SLC2A9: variants seen among roughly 807,000 people sequenced by gnomAD.
The protein encoded by SLC2A9 is solute carrier family 2, facilitated glucose transporter member 9.
Under a neutral mutation model 50.6 loss-of-function variants are expected in SLC2A9, and 39 were observed. The ratio of observed to expected loss-of-function variants is 0.77; its 90% confidence interval spans 0.60 to 1.01. The LOEUF (loss-of-function observed/expected upper bound fraction) is 1.01, where lower values mean the gene tolerates loss of function less well. Ranked by LOEUF, SLC2A9 falls within the 50% of genes least tolerant of loss-of-function variation. The pLI, the probability that SLC2A9 is intolerant of heterozygous loss-of-function variation, is 0.00. For synonymous variants in SLC2A9, 324 were observed against 276.9 expected, an observed-to-expected ratio of 1.17 and a Z score of -1.69; for missense variants, 686 against 677.6, an observed-to-expected ratio of 1.01 and a Z score of -0.14.
chr4:9,905,998 T>C (rs932302804), intron 8 of SLC2A9, among the ~76,000 whole-genome samples: 1 of 152,226 alleles, frequency 6.6e-6, no homozygotes, highest in African/African-American at 2.4e-5. Context: ...TCCACAAGGA[T>C]GTCCATCGTA....
At chr4:9,932,576 A>G (rs77356241) in intron 6 of SLC2A9, among the ~76,000 whole-genome samples, 5,584 of 152,304 alleles carry the variant, frequency 0.037, 367 homozygotes, top group African/African-American at 0.13. Context: ...TTTTGAGAAG[A>G]TGCTATTTCA....
At chr4:9,799,714 A>T (rs1721130042) in intron 3 of SLC2A9, among the ~76,000 whole-genome samples, 1 of 40,992 alleles carries the variant, frequency 2.4e-5, no homozygotes, top group Non-Finnish European at 4.4e-5. Context: ...CCCAACTTCT[A>T]CACCAGTTTT....
At chr4:10,036,314 T>C (rs1372191722) in intron 1 of SLC2A9, among the ~76,000 whole-genome samples, 2 of 152,028 alleles carry the variant, frequency 1.3e-5, no homozygotes, top group African/African-American at 2.4e-5. Context: ...ATTTGTGAAA[T>C]TGACCAAAAA....
At chr4:9,963,229 C>T (rs1464861849) in intron 5 of SLC2A9, among the ~76,000 whole-genome samples, 1 of 152,160 alleles carries the variant, frequency 6.6e-6, no homozygotes, top group Non-Finnish European at 1.5e-5. Flanking sequence ...ACCATGAGAA[C>T]AGTATAGGGG....
At chr4:9,796,387 C>T (rs1446245986), downstream of SLC2A9, among the ~76,000 whole-genome samples, 1 of 152,138 alleles carries the variant, frequency 6.6e-6, no homozygotes, top group African/African-American at 2.4e-5. Flanking sequence ...AGGCTTGGTT[C>T]ATTTGGATGC....
At chr4:9,811,978 T>C (rs1722954594) in intron 3 of SLC2A9, among the ~76,000 whole-genome samples, 1 of 152,232 alleles carries the variant, frequency 6.6e-6, no homozygotes, top group East Asian at 1.9e-4. Flanking sequence ...GAGCCTGCTG[T>C]ACATTAGCCT....
intron 6 of SLC2A9, 23 bp from the exon 7 acceptor site, chr4:9,920,595 A>G (rs376174641): frequency 2.4e-5 from 38 of 1,613,916 alleles, no homozygotes; most frequent in Middle Eastern, 3.3e-4. Flanking sequence ...GCACACATGG[A>G]CTTTCAGCAG....
chr4:9,953,616 G>T (rs1345009503), intron 5 of SLC2A9, among the ~76,000 whole-genome samples: 53 of 152,082 alleles, frequency 3.5e-4, no homozygotes, highest in Admixed American at 3.3e-3. Flanking sequence ...CAGTTTAGGA[G>T]TTTTTTGTTT....
In SLC2A9 at chr4:9,976,410, T is replaced by G. The variant is rs75727115; in HGVS notation, c.681+4182A>C. Among the ~76,000 whole-genome samples the G allele has an allele frequency of 9.4e-3, 1,437 of 152,244 alleles. 27 individuals carry two copies. The highest frequency in any genetic ancestry group is 0.033 in the African/African-American group (1,386 of 41,534). ...CTTTGAAGGTAAATGGGAAATATGA[T>G]TAAAATAGTGAAAATGAAATTCTGA... On this transcript the variant is annotated intron_variant, in intron 5 of 11. Coordinates refer to ENST00000264784, the MANE Select transcript of SLC2A9 (RefSeq NM_020041.3).
chr4:9,973,055 G>C (rs2109022636), intron 5 of SLC2A9, among the ~76,000 whole-genome samples: 1 of 152,238 alleles, frequency 6.6e-6, no homozygotes. Context: ...CCACTAGCTA[G>C]ATTAAAAAAG....
chr4:9,886,816 C>T (rs780851461), intron 10 of SLC2A9, among the ~76,000 whole-genome samples: 5 of 152,160 alleles, frequency 3.3e-5, no homozygotes, highest in African/African-American at 1.2e-4. Context: ...GCTGGAGGTC[C>T]CTGCTGGACG....
intron 10 of SLC2A9, chr4:9,879,382 ATGTGTGTG>A: frequency 1.1e-6 from 1 of 919,212 alleles, no homozygotes; most frequent in Non-Finnish European, 1.3e-6. Context: ...TTATGTGTGT[ATGTGTGTG>A]TGTGTGTGTG....
intron 2 of SLC2A9, among the ~76,000 whole-genome samples, chr4:10,008,761 C>T (rs1761232473): frequency 6.6e-6 from 1 of 152,154 alleles, no homozygotes; most frequent in Non-Finnish European, 1.5e-5. Flanking sequence ...GCCAGTCACT[C>T]AATCTCTCCC....
chr4:10,008,250 A>C (rs894248660), intron 2 of SLC2A9, among the ~76,000 whole-genome samples: 2 of 152,230 alleles, frequency 1.3e-5, no homozygotes, highest in African/African-American at 4.8e-5. Flanking sequence ...TCAAAGAGGC[A>C]GGCTGTCCAG....
intron 10 of SLC2A9, among the ~76,000 whole-genome samples, chr4:9,851,221 C>T (rs1729850803): frequency 6.6e-6 from 1 of 152,204 alleles, no homozygotes; most frequent in Non-Finnish European, 1.5e-5. Flanking sequence ...TTCAGCGTAG[C>T]AGGTTCCTAA....
chr4:9,814,941 T>A (rs1723371860), intron 3 of SLC2A9, among the ~76,000 whole-genome samples: 1 of 151,708 alleles, frequency 6.6e-6, no homozygotes, highest in Non-Finnish European at 1.5e-5. Flanking sequence ...AACAAATGTA[T>A]GTGGTACATG....
chr4:9,930,805 T>G (rs1212514644), intron 6 of SLC2A9, among the ~76,000 whole-genome samples: 2 of 152,160 alleles, frequency 1.3e-5, no homozygotes, highest in African/African-American at 4.8e-5. Flanking sequence ...AGGATGAACG[T>G]GTTTTTTGCA....
At chr4:9,838,918 A>G (rs1358801882) in intron 10 of SLC2A9, among the ~76,000 whole-genome samples, 1 of 152,228 alleles carries the variant, frequency 6.6e-6, no homozygotes, top group Non-Finnish European at 1.5e-5. Flanking sequence ...CAACCTAGGC[A>G]ATACCATTCG....
At chr4:9,963,246 C>T (rs566436708) in intron 5 of SLC2A9, among the ~76,000 whole-genome samples, 12 of 152,200 alleles carry the variant, frequency 7.9e-5, no homozygotes, top group Admixed American at 2.6e-4. Flanking sequence ...GGGGAAAGCA[C>T]CACCATGATC....
Sources: gnomAD v4.1 joint callset for allele counts (sites outside exome capture counted in the v4.1 genomes callset) on GRCh38, gnomAD v4.1.1 for gene constraint, MANE v1.5 for transcripts, NCBI Gene and HGNC (gene_info 2026-07-23, HGNC 2026-07-21) for gene names.